The following PDE4D variants were observed in gnomAD, a reference collection of about 807,000 sequenced individuals.
PDE4D encodes the protein phosphodiesterase 4D, also known as 3',5'-cyclic-AMP phosphodiesterase 4D.
In PDE4D, 24 loss-of-function variants were observed where a neutral mutation model predicts 87.4. The ratio of observed to expected loss-of-function variants is 0.27; its 90% confidence interval spans 0.20 to 0.39. PDE4D has a LOEUF of 0.39. Among genes scored for constraint, PDE4D ranks in the 10% least tolerant of loss-of-function variants. PDE4D has a pLI of 1.00. For synonymous variants in PDE4D, 384 were observed against 383.2 expected (o/e 1.00, Z -0.02); for missense variants, 714 against 1,041.0 (o/e 0.69, Z 4.32).
intron 6 of PDE4D, among the ~76,000 whole-genome samples, chr5:59,037,333 A>C (rs1498604): frequency 0.23 from 35,626 of 152,042 alleles, 5,774 homozygotes; most frequent in East Asian, 0.76. Context: ...TCTTACACAG[A>C]ATCAACCACA....
chr5:59,728,489 G>C (rs1220734826), intron 1 of PDE4D, among the ~76,000 whole-genome samples: 1 of 152,024 alleles, frequency 6.6e-6, no homozygotes, highest in Non-Finnish European at 1.5e-5. Flanking sequence ...TCAGTAATAA[G>C]CAGCTTTCAA....
At chr5:60,413,273 C>T (rs1445203849) in intron 1 of PDE4D, among the ~76,000 whole-genome samples, 2 of 152,142 alleles carry the variant, frequency 1.3e-5, no homozygotes, top group Admixed American at 1.3e-4. Flanking sequence ...ATAACATTAC[C>T]TCATCAAACC....
At chr5:60,333,509 G>A (rs1483285706) in intron 1 of PDE4D, among the ~76,000 whole-genome samples, 3 of 152,128 alleles carry the variant, frequency 2.0e-5, no homozygotes, top group African/African-American at 7.2e-5. Context: ...CCTAACATAA[G>A]GACGATGAAC....
At chr5:59,547,781 T>C (rs950338533) in intron 1 of PDE4D, among the ~76,000 whole-genome samples, 3 of 152,168 alleles carry the variant, frequency 2.0e-5, no homozygotes, top group African/African-American at 7.2e-5. Context: ...AATTCTGATT[T>C]TCCTTTGATT....
intron 1 of PDE4D, among the ~76,000 whole-genome samples, chr5:59,330,366 A>G (rs926337764): frequency 2.6e-5 from 4 of 151,898 alleles, no homozygotes; most frequent in Admixed American, 2.6e-4. Flanking sequence ...GATCGTTTGG[A>G]CCCCATCGCT....
chr5:59,117,130 A>T (rs905441333), intron 5 of PDE4D, among the ~76,000 whole-genome samples: 4 of 152,188 alleles, frequency 2.6e-5, no homozygotes, highest in African/African-American at 9.7e-5. Context: ...TTTACCCAAC[A>T]TCCCAGGATA....
At chr5:60,505,699 C>T (rs1750291106) in intron 1 of PDE4D, among the ~76,000 whole-genome samples, 1 of 152,176 alleles carries the variant, frequency 6.6e-6, no homozygotes, top group African/African-American at 2.4e-5. Flanking sequence ...TTACAAATAC[C>T]TACTTTACAT....
chr5:59,443,914 A>G (rs1368914356), intron 1 of PDE4D, among the ~76,000 whole-genome samples: 1 of 150,736 alleles, frequency 6.6e-6, no homozygotes, highest in Non-Finnish European at 1.5e-5. Context: ...AAATTTTTTT[A>G]AAGAGAGAAA....
intron 1 of PDE4D, chr5:59,430,364 G>T (rs564291629): frequency 3.9e-5 from 48 of 1,231,116 alleles, no homozygotes; most frequent in Non-Finnish European, 4.2e-5. Flanking sequence ...TAAGCGCTTC[G>T]GAATCTAGCC....
At position 58,999,571 on chromosome 5, in the gene PDE4D, A is replaced by G. The variant is rs201613948; in HGVS notation, c.922-6106T>C. ...ATTATATGTATATATATATATATGT[A>G]TATATATAGTAAGCTCTAAAATGTA... is the stretch of plus-strand genomic sequence containing the variant. On this transcript the variant is annotated intron_variant, in intron 6 of 14. Coordinates refer to ENST00000340635, the MANE Select transcript of PDE4D (RefSeq NM_001104631.2). The G allele has an allele frequency of 7.9e-4, 639 of 807,260 alleles. 2 individuals are homozygous for G. The highest frequency in any genetic ancestry group is 4.2e-3 in the Admixed American group (88 of 20,840). 50.0% of individuals were successfully genotyped at this position (807,260 alleles called of 1,614,324 possible).
intron 1 of PDE4D, among the ~76,000 whole-genome samples, chr5:59,856,300 C>T (rs1374667598): frequency 1.3e-5 from 2 of 152,010 alleles, no homozygotes; most frequent in African/African-American, 4.8e-5. Flanking sequence ...GATGTTCATA[C>T]TTACAATACA....
chr5:59,785,125 A>G (rs989086331), intron 1 of PDE4D, among the ~76,000 whole-genome samples: 1 of 152,200 alleles, frequency 6.6e-6, no homozygotes, highest in African/African-American at 2.4e-5. Context: ...ATACAAAGAA[A>G]TCCTGGCCTC....
chr5:59,161,888 A>G (rs1781164426), intron 5 of PDE4D, among the ~76,000 whole-genome samples: 1 of 152,218 alleles, frequency 6.6e-6, no homozygotes, highest in Non-Finnish European at 1.5e-5. Context: ...ATGATTACGC[A>G]CAAAGAGACA....
chr5:59,579,162 TTTCTCC>T (rs1281179641), intron 1 of PDE4D, among the ~76,000 whole-genome samples: 4 of 152,208 alleles, frequency 2.6e-5, no homozygotes, highest in African/African-American at 7.2e-5. Context: ...AGTTAAGTTG[TTTCTCC>T]TTCTGACTCC....
Position 58,973,932 on chromosome 5 carries a change from A to G in PDE4D, c.*732T>C, listed in dbSNP as rs1321417587. ...TATAAGGTGCAAGTAAAATTCATAAATTAGATTTTTATCCAGTGTAGCACA... is the reference window on the plus strand; with the variant it reads ...TATAAGGTGCAAGTAAAATTCATAAGTTAGATTTTTATCCAGTGTAGCACA... On this transcript the variant is annotated 3_prime_UTR_variant, in exon 15 of 15. Transcript: ENST00000340635. The G allele has an allele frequency of 6.5e-6, 1 of 152,676 alleles. No homozygotes were observed. The highest frequency in any genetic ancestry group is 1.5e-5 in the Non-Finnish European group (1 of 68,038). The allele number at this position is 152,676 out of a possible 1,614,324, so 9.5% of individuals were successfully genotyped here. A position where few individuals can be genotyped will look rare whatever the true frequency, so the allele number is the denominator to read the frequency against.
At chr5:59,791,664 G>C (rs1359001046) in intron 1 of PDE4D, among the ~76,000 whole-genome samples, 1 of 152,062 alleles carries the variant, frequency 6.6e-6, no homozygotes, top group African/African-American at 2.4e-5. Flanking sequence ...CACAAGACCG[G>C]GCCCTGTAAG....
chr5:59,168,678 AAG>A lies in PDE4D; in HGVS notation c.808+11915_808+11916del, dbSNP rs140681291. Among the ~76,000 whole-genome samples, 4 of 151,914 alleles carry A rather than the reference AAG, an allele frequency of 2.6e-5. No individual in the cohort carries two copies. In the East Asian group the frequency reaches 7.7e-4, roughly 29 times the overall value. ...GTTCTCAAAAGAAAAAAGAAAAAGAAAGAGAGAGAGAGAGGGAGGGAAGGAGA... is the reference window on the plus strand; with the variant it reads ...GTTCTCAAAAGAAAAAAGAAAAAGAAAGAGAGAGAGAGGGAGGGAAGGAGA... On this transcript the variant is annotated intron_variant, in intron 5 of 14. Coordinates refer to ENST00000340635, the MANE Select transcript of PDE4D (RefSeq NM_001104631.2).
At position 59,493,818 on chromosome 5, in the gene PDE4D, C is replaced by T. The variant is rs139309546; in HGVS notation, c.456-277850G>A. Among the ~76,000 whole-genome samples the T allele has an allele frequency of 2.5e-3, 388 of 152,258 alleles. 1 individual carries two copies. Among genetic ancestry groups the T allele is most frequent in the African/African-American group, 9.1e-3 (377 of 41,554 alleles). ...TCTATTTATTTGTGAAAATGCATTACTGTTTAAGTTCGATTCATGAAGCTA... is the reference window on the plus strand; with the variant it reads ...TCTATTTATTTGTGAAAATGCATTATTGTTTAAGTTCGATTCATGAAGCTA... On this transcript the variant is annotated intron_variant, in intron 1 of 14. Transcript: ENST00000340635.
intron 6 of PDE4D, among the ~76,000 whole-genome samples, chr5:59,032,503 T>G (rs528150021): frequency 8.4e-4 from 128 of 152,172 alleles, no homozygotes; most frequent in African/African-American, 2.9e-3. Context: ...TGCTTGAACT[T>G]GGGAGGCGGA....
Sources: gnomAD v4.1 joint callset for allele counts (sites outside exome capture counted in the v4.1 genomes callset) on GRCh38, gnomAD v4.1.1 for gene constraint, MANE v1.5 for transcripts, NCBI Gene and HGNC (gene_info 2026-07-23, HGNC 2026-07-21) for gene names.